Variants in BRINP3 observed in about 807,000 individuals in gnomAD.
The protein encoded by BRINP3 is BMP/retinoic acid-inducible neural-specific protein 3.
Under a neutral mutation model 71.0 loss-of-function variants are expected in BRINP3, and 19 were observed. That is an observed-to-expected ratio of 0.27 (90% CI 0.19 to 0.39). The LOEUF is 0.39. BRINP3 is among the 10% of genes least tolerant of loss of function. The pLI, the probability that BRINP3 is intolerant of heterozygous loss-of-function variation, is 1.00. For synonymous variants in BRINP3, 380 were observed against 337.7 expected (o/e 1.13, Z -1.37); for missense variants, 959 against 940.8 (o/e 1.02, Z -0.25).
chr1:190,400,721 A>C (rs1238456625), intron 2 of BRINP3, among the ~76,000 whole-genome samples: 1 of 152,150 alleles, frequency 6.6e-6, no homozygotes, highest in Non-Finnish European at 1.5e-5. Context: ...TACTCTATCC[A>C]GGGAACCCTA....
chr1:190,222,313 C>A (rs1656960250), intron 6 of BRINP3, among the ~76,000 whole-genome samples: 1 of 151,412 alleles, frequency 6.6e-6, no homozygotes, highest in African/African-American at 2.4e-5. Context: ...TACTGGACAG[C>A]TAATGAGTCA....
chr1:190,105,380 A>C (rs940759737), intron 7 of BRINP3, among the ~76,000 whole-genome samples: 1 of 152,128 alleles, frequency 6.6e-6, no homozygotes, highest in African/African-American at 2.4e-5. Context: ...GCAATGAATA[A>C]GTGTGTGAAG....
intron 4 of BRINP3, among the ~76,000 whole-genome samples, chr1:190,244,203 G>A (rs1416614370): frequency 2.0e-5 from 3 of 152,056 alleles, no homozygotes; most frequent in African/African-American, 7.2e-5. Context: ...TGCCAAAATG[G>A]ATGGGGACTG....
chr1:190,351,589 CT>C (rs1454597356), intron 2 of BRINP3, among the ~76,000 whole-genome samples: 1 of 152,020 alleles, frequency 6.6e-6, no homozygotes, highest in Non-Finnish European at 1.5e-5. Context: ...GAAAAATACG[CT>C]TTTTGACCTG....
chr1:190,382,642 T>C (rs1670621938), intron 2 of BRINP3, among the ~76,000 whole-genome samples: 1 of 152,184 alleles, frequency 6.6e-6, no homozygotes. Context: ...TTCCAGAATA[T>C]GCCATTCAAA....
rs189887510 is a variant in BRINP3 at position 190,358,759 on chromosome 1, C to A, written c.237-77009G>T. ...CACAATAGCAAAGACTTCGGACCAACCCAAATGTCCAACAATGATAGACTG... is the reference window on the plus strand; with the variant it reads ...CACAATAGCAAAGACTTCGGACCAAACCAAATGTCCAACAATGATAGACTG... On this transcript the variant is annotated intron_variant, in intron 2 of 7. Transcript: ENST00000367462. Among the ~76,000 whole-genome samples the A allele has an allele frequency of 4.7e-3, 711 of 152,244 alleles. 2 individuals are homozygous for A. Among genetic ancestry groups the A allele is most frequent in the Admixed American group, 6.9e-3 (105 of 15,274 alleles).
In BRINP3 at chr1:190,106,719, A is replaced by G. The variant is rs142227596; in HGVS notation, c.1185-7585T>C. ...AGTTTTAGGGTACCTGTGCACAATG[A>G]TTTAATACTTTTTTCTTACTACCCA... On this transcript the variant is annotated intron_variant, in intron 7 of 7. Coordinates refer to ENST00000367462, the MANE Select transcript of BRINP3 (RefSeq NM_199051.3). 4.8e-3 allele frequency among the ~76,000 whole-genome samples: 731 copies of G among 151,590 alleles called. 4 individuals are homozygous for G. The highest frequency in any genetic ancestry group is 0.016 in the African/African-American group (672 of 41,472).
At chr1:190,196,545 G>C (rs192439472) in intron 6 of BRINP3, among the ~76,000 whole-genome samples, 49 of 152,150 alleles carry the variant, frequency 3.2e-4, no homozygotes, top group African/African-American at 1.1e-3. Context: ...ACATATCTAG[G>C]CGTTAATAAT....
intron 2 of BRINP3, among the ~76,000 whole-genome samples, chr1:190,401,724 C>A (rs1166376275): frequency 6.6e-6 from 1 of 151,928 alleles, no homozygotes; most frequent in East Asian, 1.9e-4. Context: ...TGTAAATGAA[C>A]CCAAATTAAT....
chr1:190,372,613 G>C, intron 2 of BRINP3, among the ~76,000 whole-genome samples: 1 of 152,198 alleles, frequency 6.6e-6, no homozygotes, highest in South Asian at 2.1e-4. Context: ...GTTATTTAGT[G>C]GCTTATACCC....
At chr1:190,436,623 A>T (rs1324128085) in intron 2 of BRINP3, among the ~76,000 whole-genome samples, 1 of 151,930 alleles carries the variant, frequency 6.6e-6, no homozygotes, top group Admixed American at 6.6e-5. Flanking sequence ...CTTAAATAAA[A>T]TGTCTATTCT....
chr1:190,437,509 T>G (rs1292459585), intron 2 of BRINP3, among the ~76,000 whole-genome samples: 2 of 151,772 alleles, frequency 1.3e-5, no homozygotes, highest in Non-Finnish European at 3.0e-5. Context: ...CATTAATAAA[T>G]CCACTTAAAA....
At chr1:190,240,635 C>T (rs1014718205) in intron 4 of BRINP3, among the ~76,000 whole-genome samples, 1 of 151,538 alleles carries the variant, frequency 6.6e-6, no homozygotes, top group Non-Finnish European at 1.5e-5. Context: ...TTTGGGAGGC[C>T]GAGGAGGGGT....
At position 190,368,885 on chromosome 1, in the gene BRINP3, G is replaced by A. The variant is rs150421943; in HGVS notation, c.236+85770C>T. ...AGGTTTATAAGCTCTGGAAAACTTC[G>A]TAATTTTGACTTGGTCTGGCATTAA... On this transcript the variant is annotated intron_variant, in intron 2 of 7. Transcript: ENST00000367462. 5.9e-4 allele frequency among the ~76,000 whole-genome samples: 90 copies of A among 152,218 alleles called. 2 individuals carry two copies. In the East Asian group the frequency reaches 0.014, roughly 23 times the overall value.
At chr1:190,252,774 TTTATTA>T (rs368050022) in intron 4 of BRINP3, among the ~76,000 whole-genome samples, 7 of 150,806 alleles carry the variant, frequency 4.6e-5, no homozygotes, top group South Asian at 2.1e-4. Flanking sequence ...CAGATGCTAG[TTTATTA>T]TTATTATTAT....
intron 6 of BRINP3, among the ~76,000 whole-genome samples, chr1:190,167,992 T>G (rs1258711129): frequency 6.6e-6 from 1 of 152,222 alleles, no homozygotes; most frequent in Middle Eastern, 3.4e-3. Context: ...GTGAAATCAG[T>G]TCAGCTCTGA....
intron 2 of BRINP3, among the ~76,000 whole-genome samples, chr1:190,447,093 C>G (rs1675267297): frequency 6.6e-6 from 1 of 151,566 alleles, no homozygotes; most frequent in Non-Finnish European, 1.5e-5. Flanking sequence ...GAGGGGCAAA[C>G]AAAAGTTCAG....
At chr1:190,268,811 A>G (rs1661865986) in intron 3 of BRINP3, among the ~76,000 whole-genome samples, 1 of 152,144 alleles carries the variant, frequency 6.6e-6, no homozygotes, top group African/African-American at 2.4e-5. Context: ...TAAACAGCAC[A>G]AAAAATGTGA....
chr1:190,405,118 A>C (rs12733581), intron 2 of BRINP3, among the ~76,000 whole-genome samples: 2 of 152,184 alleles, frequency 1.3e-5, no homozygotes, highest in Non-Finnish European at 2.9e-5. Context: ...TAATTATTCC[A>C]CATTTTCTTA....
Sources: gnomAD v4.1 joint callset for allele counts (sites outside exome capture counted in the v4.1 genomes callset) on GRCh38, gnomAD v4.1.1 for gene constraint, MANE v1.5 for transcripts, NCBI Gene and HGNC (gene_info 2026-07-23, HGNC 2026-07-21) for gene names.